The following KDM8 variants were observed in gnomAD, a reference collection of about 807,000 sequenced individuals.
KDM8 encodes the protein lysine demethylase 8.
A neutral mutation model predicts 46.9 loss-of-function variants in KDM8; 35 were observed. That is an observed-to-expected ratio of 0.75 (90% confidence interval 0.57 to 0.99). KDM8 has a LOEUF of 0.99. Among genes scored for constraint, KDM8 ranks in the 50% least tolerant of loss-of-function variants. The pLI, the probability that KDM8 is intolerant of heterozygous loss-of-function variation, is 0.00. For synonymous variants in KDM8, 232 were observed against 227.7 expected (o/e 1.02, Z -0.17); for missense variants, 475 against 537.0 (o/e 0.88, Z 1.14).
At chr16:27,205,656 A>C (rs574440122) in intron 1 of KDM8, among the ~76,000 whole-genome samples, 139 of 152,252 alleles carry the variant, frequency 9.1e-4, no homozygotes, top group Non-Finnish European at 1.8e-3. Context: ...TGGGCAACAG[A>C]GTGAAACCCC....
intron 1 of KDM8, among the ~76,000 whole-genome samples, chr16:27,206,884 G>A (rs931102204): frequency 6.6e-6 from 1 of 152,200 alleles, no homozygotes; most frequent in African/African-American, 2.4e-5. Flanking sequence ...GTTTCATACA[G>A]CCAGCAAGAG....
Position 27,210,096 on chromosome 16 carries a change from C to A in KDM8, c.-28C>A. 3.8e-6 allele frequency: 6 copies of A among 1,598,420 alleles called. No homozygotes were observed. Among genetic ancestry groups the A allele is most frequent in the Non-Finnish European group, 4.3e-6 (5 of 1,171,800 alleles). ...TTGTTTCTCTCCACCTCCCCAGGCA[C>A]GGGACTGAACCAGCTGGTGGTGGCC... On this transcript the variant is annotated 5_prime_UTR_variant, in exon 2 of 8. Coordinates refer to ENST00000286096, the MANE Select transcript of KDM8 (RefSeq NM_024773.3).
intron 1 of KDM8, chr16:27,204,562 G>A (rs2083409584): frequency 5.4e-6 from 1 of 185,796 alleles, no homozygotes; most frequent in African/African-American, 2.4e-5. Context: ...GGTGTAGGCT[G>A]ATCTGTCCTG....
At chr16:27,203,983 T>G (rs918630455) in intron 1 of KDM8, 1 of 851,286 alleles carries the variant, frequency 1.2e-6, no homozygotes, top group Non-Finnish European at 1.8e-6. Flanking sequence ...CTAGTGCGCC[T>G]GCGCGGGTTT....
chr16:27,204,309 G>GAGCA, intron 1 of KDM8: 1 of 1,379,490 alleles, frequency 7.2e-7, no homozygotes, highest in Non-Finnish European at 9.3e-7. Flanking sequence ...GAGGACTCGG[G>GAGCA]AGCAAGCCCG....
At chr16:27,203,829 C>CA (rs2083399179) in intron 1 of KDM8, 193 bp downstream of exon 1, 1 of 422,576 alleles carries the variant, frequency 2.4e-6, no homozygotes, top group African/African-American at 2.1e-5. Flanking sequence ...TCGTCGCCGG[C>CA]CTGCCCTGCG....
chr16:27,211,544 T>C (rs1378537006), intron 2 of KDM8: 1 of 203,666 alleles, frequency 4.9e-6, no homozygotes, highest in African/African-American at 2.3e-5. Flanking sequence ...TCCTTGTCTG[T>C]AGAGTGGCAG....
rs755084886 is a variant in KDM8, at chr16:27,220,373, G to T, written c.994-20G>T. 3 of 1,609,004 alleles carry T rather than the reference G, an allele frequency of 1.9e-6. No homozygotes were observed. Among genetic ancestry groups the T allele is most frequent in the South Asian group, 2.2e-5 (2 of 90,978 alleles). On this transcript the variant is annotated intron_variant, in intron 6 of 7. Coordinates refer to ENST00000286096, the MANE Select transcript of KDM8 (RefSeq NM_024773.3). ...AGTGGAGTGAGGCCACCAGCTGACT[G>T]TCAGGGTCTCTCTCCCCAGGTGATG... is the stretch of plus-strand genomic sequence containing the variant.
At chr16:27,205,437 A>G (rs1323008767) in intron 1 of KDM8, among the ~76,000 whole-genome samples, 1 of 152,044 alleles carries the variant, frequency 6.6e-6, no homozygotes, top group Admixed American at 6.6e-5. Flanking sequence ...CCCACACTTG[A>G]TCTCCCCCTG....
chr16:27,216,898 G>A (rs1239461091), intron 5 of KDM8, among the ~76,000 whole-genome samples: 1 of 152,154 alleles, frequency 6.6e-6, no homozygotes, highest in Non-Finnish European at 1.5e-5. Flanking sequence ...GTGTGGGCTG[G>A]GGACCCTGGA....
chr16:27,211,444 A>T (rs955797452), intron 2 of KDM8: 6 of 276,478 alleles, frequency 2.2e-5, no homozygotes, highest in Non-Finnish European at 4.4e-5. Context: ...AGCATGGTTT[A>T]CTCTGAAGGC....
Position 27,220,995 on chromosome 16 carries a change from TG to T in KDM8, c.*266del. 3.8e-6 allele frequency: 2 copies of T among 524,748 alleles called. No homozygotes were observed. Among genetic ancestry groups the T allele is most frequent in the Non-Finnish European group, 6.9e-6 (2 of 288,472 alleles). The allele number at this position is 524,748 out of a possible 1,614,324, so 32.5% of individuals were successfully genotyped here. On this transcript the variant is annotated 3_prime_UTR_variant, in exon 8 of 8. Coordinates refer to ENST00000286096, the MANE Select transcript of KDM8 (RefSeq NM_024773.3). ...AGAAGGACATTGCAGACAGACAGCC[TG>T]CATGGGGACTCTGGCATCAGAAAGC...
At position 27,213,762 on chromosome 16, in the gene KDM8, G is replaced by A. The variant is rs761231017; in HGVS notation, c.665+11G>A. The A allele has an allele frequency of 2.5e-6, 4 of 1,612,576 alleles. No homozygotes were observed. Among genetic ancestry groups the A allele is most frequent in the East Asian group, 2.2e-5 (1 of 44,846 alleles). On this transcript the variant is annotated intron_variant, in intron 3 of 7. Coordinates refer to ENST00000286096, the MANE Select transcript of KDM8 (RefSeq NM_024773.3). ...CATGCAGAAGTGGAGGTGGGTGGTCGCTGAGGGAGGTGAGGTCCCTTTTCC... is the reference window on the plus strand; with the variant it reads ...CATGCAGAAGTGGAGGTGGGTGGTCACTGAGGGAGGTGAGGTCCCTTTTCC...
intron 1 of KDM8, among the ~76,000 whole-genome samples, chr16:27,207,237 G>A (rs1412146073): frequency 2.0e-5 from 3 of 152,150 alleles, no homozygotes; most frequent in East Asian, 1.9e-4. Context: ...GCGAAACCCC[G>A]TCTCTACTAA....
In KDM8 at chr16:27,220,434, G is replaced by A; in HGVS notation, c.1035G>A (p.Glu345=). The A allele has an allele frequency of 1.9e-6, 3 of 1,614,128 alleles. No homozygotes were observed. The South Asian group carries it at 3.3e-5, about 18-fold the overall frequency. ...RKYIRLYSPQ[E]SGALYPHDTH... ...ACATCCGGCTGTATTCCCCGCAGGA[G>A]TCAGGGGCTCTGTACCCTCATGACA... Residue 345 remains glutamate (E), a synonymous_variant, in exon 7 of 8, where the codon GAG becomes GAA. Transcript: ENST00000286096.
intron 5 of KDM8, 117 bp from the exon 6 acceptor site, chr16:27,218,844 C>G: frequency 1.7e-6 from 2 of 1,204,504 alleles, no homozygotes; most frequent in Non-Finnish European, 2.4e-6. Context: ...CAGACCCTGT[C>G]TCAAACACAC....
chr16:27,206,304 GCT>G, intron 1 of KDM8: 2 of 667,154 alleles, frequency 3.0e-6, no homozygotes, highest in Non-Finnish European at 3.7e-6. Flanking sequence ...ACAGACTCTT[GCT>G]CTGTCACCCA....
rs534702057 is a variant in KDM8 at position 27,220,460 on chromosome 16, C to T, written c.1061C>T (p.Thr354Met). 22 of 1,614,078 alleles carry T rather than the reference C, an allele frequency of 1.4e-5. No individual in the cohort carries two copies. Among genetic ancestry groups the T allele is most frequent in the Admixed American group, 6.7e-5 (4 of 60,016 alleles). ...QESGALYPHD[T>M]HLLHNTSQVD... ...TCAGGGGCTCTGTACCCTCATGACA[C>T]GCACCTTCTCCATAACACGAGCCAG... is the stretch of plus-strand genomic sequence containing the variant. The change falls in exon 7 of 8, where the codon ACG becomes ATG. Residue 354 changes from threonine (T) to methionine (M), a missense_variant. Coordinates refer to ENST00000286096, the MANE Select transcript of KDM8 (RefSeq NM_024773.3).
intron 1 of KDM8, among the ~76,000 whole-genome samples, chr16:27,206,985 A>G (rs1257364768): frequency 1.3e-5 from 2 of 152,236 alleles, no homozygotes; most frequent in Non-Finnish European, 2.9e-5. Flanking sequence ...AGCGGGGTAG[A>G]TGGACACAAC....
Sources: gnomAD v4.1 joint callset for allele counts (sites outside exome capture counted in the v4.1 genomes callset) on GRCh38, gnomAD v4.1.1 for gene constraint, MANE v1.5 for transcripts, NCBI Gene and HGNC (gene_info 2026-07-23, HGNC 2026-07-21) for gene names.